DNER: variants seen among roughly 807,000 people sequenced by gnomAD.
DNER encodes delta/notch like EGF repeat containing.
A neutral mutation model predicts 78.2 loss-of-function variants in DNER; 33 were observed. The observed-to-expected ratio is 0.42, with a 90% CI of 0.32 to 0.56. DNER has a LOEUF of 0.56. Ranked by LOEUF, DNER falls within the 20% of genes least tolerant of loss-of-function variation. The probability of loss-of-function intolerance (pLI) is 0.11; values close to 1 mark genes in which losing one functional copy is unlikely to be tolerated. For missense variants in DNER, 918 were observed against 975.3 expected (o/e 0.94, Z 0.78); for synonymous variants, 417 against 384.8 (o/e 1.08, Z -0.98).
intron 4 of DNER, among the ~76,000 whole-genome samples, chr2:229,583,151 C>T (rs1272034625): frequency 2.0e-5 from 3 of 152,134 alleles, no homozygotes; most frequent in African/African-American, 7.2e-5. Flanking sequence ...AGTCTAAGGT[C>T]ATAGTTATGT....
At chr2:229,660,922 T>A (rs1319204987) in intron 1 of DNER, among the ~76,000 whole-genome samples, 1 of 152,172 alleles carries the variant, frequency 6.6e-6, no homozygotes, top group Non-Finnish European at 1.5e-5. Context: ...AGAAGAAAGA[T>A]AATTACATTA....
At chr2:229,482,126 C>G (rs1250192495) in intron 6 of DNER, among the ~76,000 whole-genome samples, 1 of 152,260 alleles carries the variant, frequency 6.6e-6, no homozygotes, top group African/African-American at 2.4e-5. Flanking sequence ...AATTGTCTTT[C>G]TTTCCTCTAG....
chr2:229,650,916 T>C (rs1249035346), intron 1 of DNER, among the ~76,000 whole-genome samples: 6 of 152,114 alleles, frequency 3.9e-5, no homozygotes, highest in African/African-American at 9.7e-5. Context: ...GATCAACCCA[T>C]TGTGTAGAGG....
intron 6 of DNER, among the ~76,000 whole-genome samples, chr2:229,500,743 TGTATG>T (rs2154211944): frequency 6.6e-6 from 1 of 151,050 alleles, no homozygotes; most frequent in Admixed American, 6.6e-5. Flanking sequence ...GAACAGATTG[TGTATG>T]GTTACAAGAG....
intron 10 of DNER, among the ~76,000 whole-genome samples, chr2:229,397,003 T>G (rs1693158634): frequency 6.6e-6 from 1 of 152,138 alleles, no homozygotes; most frequent in African/African-American, 2.4e-5. Flanking sequence ...TGGGTTTGCA[T>G]AGACCTGCCC....
At chr2:229,565,400 G>C (rs2154213875) in intron 4 of DNER, among the ~76,000 whole-genome samples, 1 of 152,062 alleles carries the variant, frequency 6.6e-6, no homozygotes, top group East Asian at 1.9e-4. Flanking sequence ...TTTACTATCT[G>C]CCTTTTTGAA....
rs1467710592 is a variant in DNER at position 229,638,186 on chromosome 2, T to A, written c.277-46298A>T. 2.6e-5 allele frequency among the ~76,000 whole-genome samples: 4 copies of A among 152,352 alleles called. No individual in the cohort carries two copies. In the East Asian group the frequency reaches 7.7e-4, roughly 29 times the overall value. On this transcript the variant is annotated intron_variant, in intron 1 of 12. Transcript: ENST00000341772. ...CTAGTCACAATCCTAGCAGGCTTTT[T>A]TATAGAGATTGAAAAAATATTTTAT...
At chr2:229,622,384 C>A (rs774781604) in intron 1 of DNER, among the ~76,000 whole-genome samples, 1 of 152,180 alleles carries the variant, frequency 6.6e-6, no homozygotes, top group Non-Finnish European at 1.5e-5. Flanking sequence ...CCCTCAAATT[C>A]TCATAAATGA....
chr2:229,587,676 T>C (rs1415021270), intron 3 of DNER, among the ~76,000 whole-genome samples: 1 of 152,060 alleles, frequency 6.6e-6, no homozygotes, highest in African/African-American at 2.4e-5. Context: ...GGGAGGGTGG[T>C]AGTCAATGGC....
chr2:229,623,224 A>T (rs1698280798), intron 1 of DNER, among the ~76,000 whole-genome samples: 1 of 151,938 alleles, frequency 6.6e-6, no homozygotes, highest in African/African-American at 2.4e-5. Context: ...CTTTCGATGA[A>T]GTCTCTCCTT....
In DNER at chr2:229,512,903, C is replaced by T. The variant is rs527439071; in HGVS notation, c.1027G>A (p.Val343Met). 51 of 1,614,106 alleles carry T rather than the reference C, an allele frequency of 3.2e-5. No individual in the cohort carries two copies. Among genetic ancestry groups the T allele is most frequent in the African/African-American group, 1.9e-4 (14 of 75,044 alleles). ...TCGTATTCTTCACAGAAAGTACCCA[C>T]GTACTGCTCCTCACAGGTACAGGAA... ...TFSCTCEEQY[V>M]GTFCEEYDAC... Residue 343 changes from valine (V) to methionine (M), a missense_variant, in exon 6 of 13, where the codon GTG becomes ATG. Transcript: ENST00000341772.
chr2:229,586,565 C>T, intron 3 of DNER: 1 of 263,762 alleles, frequency 3.8e-6, no homozygotes, highest in Non-Finnish European at 5.5e-6. Flanking sequence ...CAAAACCACC[C>T]CACAGAGAAT....
intron 1 of DNER, among the ~76,000 whole-genome samples, chr2:229,616,936 G>C (rs1698175815): frequency 6.6e-6 from 1 of 152,190 alleles, no homozygotes; most frequent in African/African-American, 2.4e-5. Flanking sequence ...CTCTGGCCAT[G>C]CTGTGACAAC....
At chr2:229,586,145 C>G in intron 3 of DNER, 121 bp from the exon 4 acceptor site, 10 of 1,231,138 alleles carry the variant, frequency 8.1e-6, no homozygotes, top group Non-Finnish European at 1.1e-5. Flanking sequence ...ACCAGGAGAT[C>G]GATGGCATAA....
intron 8 of DNER, among the ~76,000 whole-genome samples, chr2:229,434,927 C>T (rs28668094): frequency 0.098 from 2,550 of 26,112 alleles, 29 homozygotes; most frequent in Non-Finnish European, 0.17. Flanking sequence ...TATATATATA[C>T]ACACACACAC....
intron 5 of DNER, among the ~76,000 whole-genome samples, chr2:229,536,763 A>G (rs763037261): frequency 6.6e-6 from 1 of 152,242 alleles, no homozygotes; most frequent in South Asian, 2.1e-4. Flanking sequence ...TGACATGAGT[A>G]TCTCTCCTCT....
At chr2:229,491,130 G>T (rs1269219777) in intron 6 of DNER, among the ~76,000 whole-genome samples, 2 of 152,096 alleles carry the variant, frequency 1.3e-5, no homozygotes, top group Non-Finnish European at 2.9e-5. Flanking sequence ...GCTTGCTCAG[G>T]TCTCATCATA....
chr2:229,511,454 A>T (rs1695863135), intron 6 of DNER, among the ~76,000 whole-genome samples: 1 of 152,148 alleles, frequency 6.6e-6, no homozygotes, highest in Non-Finnish European at 1.5e-5. Flanking sequence ...CTACAGCAAC[A>T]CTGTCCACTG....
chr2:229,401,673 G>A (rs563752273), intron 10 of DNER, among the ~76,000 whole-genome samples: 2 of 152,170 alleles, frequency 1.3e-5, no homozygotes, highest in African/African-American at 2.4e-5. Flanking sequence ...AGACAGTTGT[G>A]GCGCAAGGGA....
Sources: allele counts gnomAD v4.1 joint callset (sites outside exome capture counted in the v4.1 genomes callset), GRCh38; gene constraint gnomAD v4.1.1; transcripts MANE v1.5; gene names NCBI Gene and HGNC (gene_info 2026-07-23, HGNC 2026-07-21).